UBL3: variants seen among roughly 807,000 people sequenced by gnomAD.
UBL3 encodes the protein ubiquitin like 3.
UBL3 carries 6 observed loss-of-function variants against 18.4 expected under a neutral mutation model. The ratio of observed to expected loss-of-function variants is 0.33; its 90% CI spans 0.18 to 0.64. The LOEUF (loss-of-function observed/expected upper bound fraction) is 0.64. Ranked by LOEUF, UBL3 falls within the 30% of genes least tolerant of loss-of-function variation. The probability of loss-of-function intolerance (pLI) is 0.76; values close to 1 mark genes in which losing one functional copy is unlikely to be tolerated. For synonymous variants in UBL3, 49 were observed against 46.6 expected (o/e 1.05, Z -0.21); for missense variants, 109 against 142.9 (o/e 0.76, Z 1.21).
chr13:29,835,163 T>TATATATAA (rs1878925411), intron 1 of UBL3, among the ~76,000 whole-genome samples: 1 of 54,802 alleles, frequency 1.8e-5, no homozygotes, highest in Non-Finnish European at 3.2e-5. Flanking sequence ...TATATATATA[T>TATATATAA]ATATATATAT....
chr13:29,798,535 A>G (rs1469360331), intron 1 of UBL3, among the ~76,000 whole-genome samples: 2 of 152,198 alleles, frequency 1.3e-5, no homozygotes, highest in Non-Finnish European at 2.9e-5. Context: ...AAGCTTACTA[A>G]CAGTCCTTAT....
intron 1 of UBL3, among the ~76,000 whole-genome samples, chr13:29,824,585 C>T (rs1878567020): frequency 6.6e-6 from 1 of 151,954 alleles, no homozygotes. Context: ...TGTTTGAGTT[C>T]TTTGTAGATT....
chr13:29,823,433 C>G (rs966457488), intron 1 of UBL3, among the ~76,000 whole-genome samples: 1 of 152,228 alleles, frequency 6.6e-6, no homozygotes, highest in African/African-American at 2.4e-5. Flanking sequence ...TGAGCCACTG[C>G]GCCCGGCTGC....
At position 29,847,892 on chromosome 13, in the gene UBL3, T is replaced by C. The variant is rs141106440; in HGVS notation, c.27+1620A>G. Among the ~76,000 whole-genome samples, 1,071 of 152,216 alleles carry C rather than the reference T, an allele frequency of 7.0e-3. 3 individuals are homozygous for C. The highest frequency in any genetic ancestry group is 1.0e-2 in the Non-Finnish European group (679 of 68,008). ...CTTAACCAGGCAGGAGGCTATTTCA[T>C]GTGTGCACACCAGAAGAGAAGCGAA... On this transcript the variant is annotated intron_variant, in intron 1 of 4. Transcript: ENST00000380680.
intron 1 of UBL3, among the ~76,000 whole-genome samples, chr13:29,777,973 G>A (rs1193824846): frequency 6.6e-6 from 1 of 152,060 alleles, no homozygotes; most frequent in East Asian, 1.9e-4. Context: ...CACTATGTTG[G>A]CCAGGCTGGT....
chr13:29,822,379 C>T (rs1407899922), intron 1 of UBL3, among the ~76,000 whole-genome samples: 1 of 152,142 alleles, frequency 6.6e-6, no homozygotes, highest in Non-Finnish European at 1.5e-5. Flanking sequence ...CAAAACAGTC[C>T]TTTTGTGAGA....
chr13:29,829,660 G>A (rs1878719991), intron 1 of UBL3, among the ~76,000 whole-genome samples: 1 of 152,142 alleles, frequency 6.6e-6, no homozygotes, highest in Non-Finnish European at 1.5e-5. Flanking sequence ...GCCTCGCCCT[G>A]CTTCGGCTCA....
chr13:29,804,569 G>A (rs1877853404), intron 1 of UBL3, among the ~76,000 whole-genome samples: 1 of 151,862 alleles, frequency 6.6e-6, no homozygotes, highest in Non-Finnish European at 1.5e-5. Context: ...TAGACTACTA[G>A]CTAGAAAAAA....
chr13:29,770,195 T>G (rs1876803025), intron 3 of UBL3, among the ~76,000 whole-genome samples: 2 of 152,068 alleles, frequency 1.3e-5, no homozygotes, highest in African/African-American at 4.8e-5. Context: ...TTCTTTATTA[T>G]TCACATTGAA....
chr13:29,832,466 G>A (rs1469741780), intron 1 of UBL3, among the ~76,000 whole-genome samples: 1 of 151,914 alleles, frequency 6.6e-6, no homozygotes, highest in African/African-American at 2.4e-5. Flanking sequence ...CCGAGTAGCT[G>A]GGACTACAGG....
Position 29,835,118 on chromosome 13 carries a change from ATATATAAATATAT to A in UBL3, c.27+14381_27+14393del, listed in dbSNP as rs1878903121. Among the ~76,000 whole-genome samples the A allele has an allele frequency of 8.4e-4, 22 of 26,268 alleles. 1 individual carries two copies. Among genetic ancestry groups the A allele is most frequent in the Non-Finnish European group, 7.9e-4 (14 of 17,656 alleles). 17.2% of individuals were successfully genotyped at this position (26,268 alleles called of 152,430 possible). A position where few individuals can be genotyped will look rare whatever the true frequency, so the allele number is the denominator to read the frequency against. ...TATATATATATATAAATATATATAT[ATATATAAATATAT>A]ATATATATATATATATATATATATA... is the stretch of plus-strand genomic sequence containing the variant. On this transcript the variant is annotated intron_variant, in intron 1 of 4. Transcript: ENST00000380680.
At chr13:29,837,915 C>CAGTAATAATAATAAT (rs1555235003) in intron 1 of UBL3, among the ~76,000 whole-genome samples, 1 of 141,494 alleles carries the variant, frequency 7.1e-6, no homozygotes, top group Admixed American at 7.1e-5. Context: ...GACTCTGTCT[C>CAGTAATAATAATAAT]AATAATAATA....
intron 1 of UBL3, among the ~76,000 whole-genome samples, chr13:29,840,337 G>A (rs1356529741): frequency 6.6e-6 from 1 of 152,130 alleles, no homozygotes; most frequent in East Asian, 1.9e-4. Context: ...ATGTACTGAC[G>A]AAATACAATC....
At chr13:29,808,220 A>T (rs1877945913) in intron 1 of UBL3, among the ~76,000 whole-genome samples, 1 of 152,188 alleles carries the variant, frequency 6.6e-6, no homozygotes, top group South Asian at 2.1e-4. Context: ...TATAGCTAGC[A>T]AGTTAATTTT....
intron 1 of UBL3, among the ~76,000 whole-genome samples, chr13:29,824,395 A>G (rs1302687764): frequency 6.6e-6 from 1 of 152,044 alleles, no homozygotes; most frequent in Non-Finnish European, 1.5e-5. Flanking sequence ...TTTAATGATC[A>G]CCATTCTAAC....
intron 1 of UBL3, among the ~76,000 whole-genome samples, chr13:29,803,214 T>A (rs914574528): frequency 6.6e-6 from 1 of 152,140 alleles, no homozygotes; most frequent in Non-Finnish European, 1.5e-5. Flanking sequence ...AAATGCTAAG[T>A]GAATTTGTCA....
intron 2 of UBL3, among the ~76,000 whole-genome samples, chr13:29,775,575 G>C (rs968376667): frequency 6.6e-6 from 1 of 152,116 alleles, no homozygotes; most frequent in Non-Finnish European, 1.5e-5. Context: ...ATGACACTGG[G>C]GAAGTTCAAA....
At chr13:29,816,824 T>C (rs1414425356) in intron 1 of UBL3, among the ~76,000 whole-genome samples, 1 of 151,358 alleles carries the variant, frequency 6.6e-6, no homozygotes, top group African/African-American at 2.4e-5. Flanking sequence ...GAGTAAAGTT[T>C]ATAAATTTGG....
At chr13:29,804,514 A>C (rs919420354) in intron 1 of UBL3, among the ~76,000 whole-genome samples, 1 of 152,102 alleles carries the variant, frequency 6.6e-6, no homozygotes, top group Admixed American at 6.5e-5. Context: ...GAAAAACCAT[A>C]CAAAAGATCA....
Sources: allele counts gnomAD v4.1 joint callset (sites outside exome capture counted in the v4.1 genomes callset), GRCh38; gene constraint gnomAD v4.1.1; transcripts MANE v1.5; gene names NCBI Gene and HGNC (gene_info 2026-07-23, HGNC 2026-07-21).